TNNI3K: variants seen among roughly 807,000 people sequenced by gnomAD.
TNNI3K encodes the protein serine/threonine-protein kinase TNNI3K.
In TNNI3K, 140 loss-of-function variants were observed where a neutral mutation model predicts 114.5. That is an observed-to-expected ratio of 1.22 (90% CI 1.07 to 1.41). The LOEUF is 1.41. Among genes scored for constraint, TNNI3K ranks in the 40% most tolerant of loss-of-function variants. TNNI3K has a pLI of 0.00. For synonymous variants in TNNI3K, 347 were observed against 347.5 expected (o/e 1.00, Z 0.02); for missense variants, 1,125 against 1,007.6 (o/e 1.12, Z -1.58).
intron 23 of TNNI3K, among the ~76,000 whole-genome samples, chr1:74,528,586 T>G (rs1248284301): frequency 6.6e-6 from 1 of 152,182 alleles, no homozygotes; most frequent in Non-Finnish European, 1.5e-5. Flanking sequence ...GGGAGCTAGG[T>G]TTCTCACTGT....
intron 5 of TNNI3K, among the ~76,000 whole-genome samples, chr1:74,311,806 T>C (rs1359134548): frequency 2.0e-5 from 3 of 152,220 alleles, no homozygotes; most frequent in Admixed American, 6.5e-5. Context: ...TTGCTTTTTA[T>C]ATAAAGGTAT....
At chr1:74,529,751 A>G (rs1646555999) in intron 23 of TNNI3K, among the ~76,000 whole-genome samples, 2 of 152,182 alleles carry the variant, frequency 1.3e-5, no homozygotes, top group Admixed American at 1.3e-4. Context: ...TATGTTTAAG[A>G]TAGTTTTTAA....
chr1:74,249,960 G>C (rs937983977), intron 3 of TNNI3K, among the ~76,000 whole-genome samples: 17 of 152,136 alleles, frequency 1.1e-4, no homozygotes, highest in Non-Finnish European at 5.9e-5. Context: ...AAGATTGATC[G>C]AAGTGAAGAT....
At chr1:74,273,128 G>T (rs1570402605) in intron 5 of TNNI3K, among the ~76,000 whole-genome samples, 1 of 151,884 alleles carries the variant, frequency 6.6e-6, no homozygotes, top group Non-Finnish European at 1.5e-5. Flanking sequence ...AAACAGAGGT[G>T]ATCCATCTCC....
At chr1:74,539,749 A>T (rs1228444070) in intron 23 of TNNI3K, among the ~76,000 whole-genome samples, 2 of 152,032 alleles carry the variant, frequency 1.3e-5, no homozygotes, top group East Asian at 3.8e-4. Context: ...ATATTATATT[A>T]TATGTAAAGC....
At chr1:74,390,906 A>G (rs1305328753) in intron 17 of TNNI3K, among the ~76,000 whole-genome samples, 1 of 151,800 alleles carries the variant, frequency 6.6e-6, no homozygotes, top group Admixed American at 6.6e-5. Context: ...TCCCAGAGAA[A>G]TAATGAGTCA....
chr1:74,342,708 C>T, intron 7 of TNNI3K, 134 bp from the exon 8 acceptor site: 1 of 1,196,830 alleles, frequency 8.4e-7, no homozygotes, highest in Non-Finnish European at 1.2e-6. Flanking sequence ...CCTTAATTTC[C>T]TTTATGATTA....
chr1:74,513,776 T>C (rs1351666666), intron 23 of TNNI3K, among the ~76,000 whole-genome samples: 2 of 152,226 alleles, frequency 1.3e-5, no homozygotes, highest in African/African-American at 4.8e-5. Context: ...CTTTACAGTT[T>C]AGTGAATTTC....
At chr1:74,372,459 CTCAA>C (rs1339483140) in intron 17 of TNNI3K, 2 of 151,766 alleles carry the variant, frequency 1.3e-5, no homozygotes, top group African/African-American at 2.4e-5. Context: ...GTAAATAAGT[CTCAA>C]TCTATTTATA....
intron 21 of TNNI3K, among the ~76,000 whole-genome samples, chr1:74,478,739 A>G (rs1221444963): frequency 6.6e-6 from 1 of 152,154 alleles, no homozygotes; most frequent in Non-Finnish European, 1.5e-5. Flanking sequence ...CCCACCATCT[A>G]TTGCCTATGC....
intron 24 of TNNI3K, among the ~76,000 whole-genome samples, chr1:74,543,062 CCCT>C (rs1228209940): frequency 0.072 from 7,496 of 104,576 alleles, 1,907 homozygotes; most frequent in Non-Finnish European, 0.1. Flanking sequence ...TTTTCTTTTT[CCCT>C]TTTTTTTTTT....
intron 5 of TNNI3K, among the ~76,000 whole-genome samples, chr1:74,327,416 T>C (rs939451180): frequency 6.2e-4 from 91 of 147,798 alleles, no homozygotes; most frequent in Non-Finnish European, 1.1e-3. Context: ...TATATAGATA[T>C]ATTTTATAAT....
At chr1:74,535,963 T>C (rs979295426) in intron 23 of TNNI3K, among the ~76,000 whole-genome samples, 2 of 152,146 alleles carry the variant, frequency 1.3e-5, no homozygotes, top group Non-Finnish European at 2.9e-5. Context: ...ATCAAAAAAA[T>C]AATAAAGTAA....
intron 21 of TNNI3K, chr1:74,480,265 C>T (rs1668417013): frequency 1.4e-6 from 1 of 717,434 alleles, no homozygotes; most frequent in Admixed American, 2.0e-5. Context: ...TGGTCTCAGA[C>T]AGCCTCAGCA....
intron 2 of TNNI3K, among the ~76,000 whole-genome samples, chr1:74,244,621 C>G (rs1425166197): frequency 6.7e-6 from 1 of 148,728 alleles, no homozygotes. Flanking sequence ...CAGTCAATTT[C>G]AGGATTTTAT....
At chr1:74,256,283 C>CTTTTT (rs61636791) in intron 4 of TNNI3K, among the ~76,000 whole-genome samples, 1 of 42,780 alleles carries the variant, frequency 2.3e-5, no homozygotes, top group Admixed American at 3.3e-4. Context: ...TGTGGTCAGT[C>CTTTTT]TTTTTTTTTT....
chr1:74,444,369 C>T (rs1473625284), intron 20 of TNNI3K, among the ~76,000 whole-genome samples: 1 of 152,030 alleles, frequency 6.6e-6, no homozygotes, highest in Non-Finnish European at 1.5e-5. Context: ...AAATCACAAG[C>T]ATTCCTATAC....
intron 7 of TNNI3K, among the ~76,000 whole-genome samples, chr1:74,337,562 A>G (rs1038596896): frequency 1.3e-5 from 2 of 152,152 alleles, no homozygotes; most frequent in Non-Finnish European, 2.9e-5. Context: ...TTATAAATTG[A>G]GACATTATTT....
At chr1:74,498,234 G>GT (rs1187994880) in intron 23 of TNNI3K, among the ~76,000 whole-genome samples, 1 of 152,080 alleles carries the variant, frequency 6.6e-6, no homozygotes, top group African/African-American at 2.4e-5. Flanking sequence ...TATCTTAACA[G>GT]TTTTTTTAAC....
Sources: gnomAD v4.1 joint callset for allele counts (sites outside exome capture counted in the v4.1 genomes callset) on GRCh38, gnomAD v4.1.1 for gene constraint, MANE v1.5 for transcripts, NCBI Gene and HGNC (gene_info 2026-07-23, HGNC 2026-07-21) for gene names.